DNM3: variants seen among roughly 807,000 people sequenced by gnomAD.
The protein encoded by DNM3 is dynamin-3.
Under a neutral mutation model 101.6 loss-of-function variants are expected in DNM3, and 47 were observed. The ratio of observed to expected loss-of-function variants is 0.46; its 90% CI spans 0.37 to 0.59. DNM3 has a LOEUF of 0.59. DNM3 is among the 20% of genes least tolerant of loss of function. The pLI, the probability that DNM3 is intolerant of heterozygous loss-of-function variation, is 0.00. For missense variants in DNM3, 849 were observed against 1,085.7 expected (o/e 0.78, Z 3.06); for synonymous variants, 385 against 387.9 (o/e 0.99, Z 0.09).
Position 171,935,322 on chromosome 1 carries a change from T to C in DNM3, c.235+13501T>C, listed in dbSNP as rs997169594. Among the ~76,000 whole-genome samples, 7 of 152,300 alleles carry C rather than the reference T, an allele frequency of 4.6e-5. No individual in the cohort carries two copies. In the East Asian group the frequency reaches 1.2e-3, roughly 25 times the overall value. ...AAGCCTTATTCGGTGTAATTTGTTA[T>C]AGGACATTTAGTACTTAGTACAGGA... On this transcript the variant is annotated intron_variant, in intron 2 of 20. Transcript: ENST00000627582.
chr1:171,992,115 TA>T (rs2045674121), intron 4 of DNM3, among the ~76,000 whole-genome samples: 1 of 152,206 alleles, frequency 6.6e-6, no homozygotes, highest in Non-Finnish European at 1.5e-5. Context: ...ATAATAAATG[TA>T]AACTAAAAAA....
chr1:172,356,449 A>G lies in DNM3; in HGVS notation c.1894-22569A>G, dbSNP rs186173081. On this transcript the variant is annotated intron_variant, in intron 17 of 20. Coordinates refer to ENST00000627582, the MANE Select transcript of DNM3 (RefSeq NM_015569.5). ...AGGAAAAAACAGTAAACATTGTTATATAAGATTTACTTATTTTAATCCAAG... is the reference window on the plus strand; with the variant it reads ...AGGAAAAAACAGTAAACATTGTTATGTAAGATTTACTTATTTTAATCCAAG... Among the ~76,000 whole-genome samples, 56 of 152,266 alleles carry G rather than the reference A, an allele frequency of 3.7e-4. No individual in the cohort carries two copies. The East Asian group carries it at 7.5e-3, about 21-fold the overall frequency.
chr1:171,850,260 C>T (rs2032771532), intron 1 of DNM3, among the ~76,000 whole-genome samples: 1 of 152,140 alleles, frequency 6.6e-6, no homozygotes, highest in Admixed American at 6.5e-5. Context: ...TGGAAAGATT[C>T]ATATTCTGAT....
downstream of DNM3, chr1:172,415,523 A>AATTT (rs2071393702): frequency 2.0e-5 from 1 of 49,456 alleles, no homozygotes; most frequent in Non-Finnish European, 3.9e-5. Context: ...ATTTTTTGTG[A>AATTT]GTTTTTTTTT....
At chr1:172,136,934 A>T (rs1019290795) in intron 14 of DNM3, 1 of 152,202 alleles carries the variant, frequency 6.6e-6, no homozygotes, top group African/African-American at 2.4e-5. Flanking sequence ...TGAGTAAAAA[A>T]TGTTTAACAA....
intron 2 of DNM3, among the ~76,000 whole-genome samples, chr1:171,952,174 T>C (rs73033781): frequency 5.2e-4 from 79 of 152,318 alleles, no homozygotes; most frequent in African/African-American, 1.8e-3. Flanking sequence ...TTGGGGACCT[T>C]AAAATGTCAC....
At chr1:172,223,068 T>C (rs1281498951) in intron 14 of DNM3, among the ~76,000 whole-genome samples, 5 of 152,068 alleles carry the variant, frequency 3.3e-5, no homozygotes, top group African/African-American at 1.2e-4. Flanking sequence ...ACATTTATCA[T>C]TTCTTTATAG....
intron 1 of DNM3, among the ~76,000 whole-genome samples, chr1:171,890,120 G>C (rs1261262459): frequency 6.6e-6 from 1 of 152,148 alleles, no homozygotes; most frequent in African/African-American, 2.4e-5. Context: ...TCATTATTTA[G>C]AGTATGATGA....
chr1:171,979,680 A>G (rs2044641187), intron 2 of DNM3, among the ~76,000 whole-genome samples: 1 of 152,172 alleles, frequency 6.6e-6, no homozygotes, highest in African/African-American at 2.4e-5. Flanking sequence ...GCACTATTCC[A>G]GTTACCTGGG....
intron 2 of DNM3, among the ~76,000 whole-genome samples, chr1:171,963,868 C>A (rs981409171): frequency 1.3e-5 from 2 of 151,840 alleles, no homozygotes; most frequent in Admixed American, 6.6e-5. Context: ...AGCCCCCCAT[C>A]CACCTGAATG....
chr1:172,093,373 T>A (rs1343909428), intron 13 of DNM3, among the ~76,000 whole-genome samples: 1 of 152,224 alleles, frequency 6.6e-6, no homozygotes, highest in African/African-American at 2.4e-5. Flanking sequence ...CCTAAGAAGA[T>A]CTGATCTTTT....
At chr1:171,973,029 A>T (rs953522349) in intron 2 of DNM3, among the ~76,000 whole-genome samples, 10 of 152,066 alleles carry the variant, frequency 6.6e-5, no homozygotes, top group Admixed American at 5.9e-4. Flanking sequence ...TCAGATGCTT[A>T]AAGTAGTCAT....
intron 1 of DNM3, among the ~76,000 whole-genome samples, chr1:171,875,404 T>C (rs2035670497): frequency 6.6e-6 from 1 of 152,222 alleles, no homozygotes; most frequent in South Asian, 2.1e-4. Flanking sequence ...AAAGCCAGTA[T>C]TATTTCATTG....
intron 13 of DNM3, among the ~76,000 whole-genome samples, chr1:172,099,439 G>C (rs578123986): frequency 1.3e-5 from 2 of 152,218 alleles, no homozygotes; most frequent in African/African-American, 4.8e-5. Context: ...AGAAGCCTGG[G>C]CAAGGGAGGT....
At chr1:172,188,434 G>A (rs181283573) in intron 14 of DNM3, among the ~76,000 whole-genome samples, 4 of 152,126 alleles carry the variant, frequency 2.6e-5, no homozygotes, top group African/African-American at 7.2e-5. Context: ...CTGTCATGAC[G>A]AAAGCACCAA....
intron 15 of DNM3, among the ~76,000 whole-genome samples, chr1:172,282,152 G>A (rs2063514090): frequency 1.3e-5 from 2 of 152,130 alleles, no homozygotes; most frequent in South Asian, 4.1e-4. Context: ...GCAGAGCTAT[G>A]GAGGAGCTGA....
At chr1:171,871,274 A>T (rs1189225057) in intron 1 of DNM3, among the ~76,000 whole-genome samples, 1 of 152,212 alleles carries the variant, frequency 6.6e-6, no homozygotes. Flanking sequence ...GACAGGAAGC[A>T]TTGCTGTCAG....
At chr1:172,299,044 T>C (rs995640146) in intron 15 of DNM3, among the ~76,000 whole-genome samples, 6 of 152,154 alleles carry the variant, frequency 3.9e-5, no homozygotes, top group African/African-American at 1.4e-4. Flanking sequence ...AGGGAAGTGA[T>C]GCCTGATGAA....
chr1:172,116,428 T>C (rs1558594010), intron 13 of DNM3, among the ~76,000 whole-genome samples: 1 of 152,212 alleles, frequency 6.6e-6, no homozygotes, highest in African/African-American at 2.4e-5. Context: ...TCTGAGACAG[T>C]CCCTATCCAG....
Sources: allele counts gnomAD v4.1 joint callset (sites outside exome capture counted in the v4.1 genomes callset), GRCh38; gene constraint gnomAD v4.1.1; transcripts MANE v1.5; gene names NCBI Gene and HGNC (gene_info 2026-07-23, HGNC 2026-07-21).